Variants in SAMD10 observed in about 807,000 individuals in gnomAD.
SAMD10 encodes sterile alpha motif domain-containing protein 10.
In SAMD10, 16 loss-of-function variants were observed where a neutral mutation model predicts 22.5. The ratio of observed to expected loss-of-function variants is 0.71; its 90% CI spans 0.48 to 1.08. The LOEUF (loss-of-function observed/expected upper bound fraction) is 1.08. SAMD10 is among the 50% of genes least tolerant of loss of function. The pLI is 0.00. For missense variants in SAMD10, 227 were observed against 281.3 expected, an observed-to-expected ratio of 0.81 and a Z score of 1.38; for synonymous variants, 118 against 122.2, an observed-to-expected ratio of 0.97 and a Z score of 0.23.
At chr20:63,978,339 T>G (rs1472829272) in intron 1 of SAMD10, 1 of 1,297,566 alleles carries the variant, frequency 7.7e-7, no homozygotes, top group South Asian at 1.2e-5. Flanking sequence ...AGGCTCTGTA[T>G]GGTATCTGCA....
intron 3 of SAMD10, 112 bp downstream of exon 3, chr20:63,976,859 G>A (rs1273112415): frequency 2.8e-5 from 28 of 992,416 alleles, no homozygotes; most frequent in Non-Finnish European, 3.7e-5. Flanking sequence ...TGATTCACAG[G>A]AGAAACTAGA....
chr20:63,979,419 C>T lies in SAMD10; in HGVS notation c.49G>A (p.Gly17Arg), dbSNP rs1434515999. 4 of 1,481,274 alleles carry T rather than the reference C, an allele frequency of 2.7e-6. No homozygotes were observed. The highest frequency in any genetic ancestry group is 5.9e-5 in the East Asian group (2 of 34,034). The allele number at this position is 1,481,274 out of a possible 1,614,324, so 91.8% of individuals were successfully genotyped here. Residue 17 changes from glycine to arginine, a missense_variant, in exon 1 of 5, where the codon GGG becomes AGG. By Grantham distance (125) the Gly-to-Arg change is moderately radical. Transcript: ENST00000369886. The surrounding 1 kb of genome is among the most constrained non-coding windows in gnomAD (Gnocchi z 7.7). The part of the protein sequence containing the change: ...SKLSPPRGRA[G>R]AVRAGFGERR... ...TCCCCGAAGCCCGCGCGCACGGCCCCGGCGCGGCCACGCGGGGGGCTCAGC... is the reference window on the plus strand; with the variant it reads ...TCCCCGAAGCCCGCGCGCACGGCCCTGGCGCGGCCACGCGGGGGGCTCAGC...
At position 63,975,535 on chromosome 20, in the gene SAMD10, G is replaced by C; in HGVS notation, c.587-3C>G. The stretch of plus-strand genomic sequence containing the variant: ...CTAGGACATTTTCCCGAAGGAAGCT[G>C]TGTGATGGAAGAGGGTGAGAATGGG... On this transcript the variant is annotated splice_polypyrimidine_tract_variant and splice_region_variant and intron_variant, in intron 4 of 4. Coordinates refer to ENST00000369886, the MANE Select transcript of SAMD10 (RefSeq NM_080621.5). 2 of 1,606,392 alleles carry C rather than the reference G, an allele frequency of 1.2e-6. No homozygotes were observed. Among genetic ancestry groups the C allele is most frequent in the Non-Finnish European group, 1.7e-6 (2 of 1,177,758 alleles).
intron 1 of SAMD10, chr20:63,978,098 A>G (rs1017952921): frequency 1.1e-5 from 4 of 358,664 alleles, no homozygotes; most frequent in African/African-American, 8.6e-5. Flanking sequence ...GTGGGTACCC[A>G]TTGGATATGG....
rs574622793 is a variant in SAMD10 at position 63,977,505 on chromosome 20, C to G, written c.92-99G>C. ...CTGCCCCATCTCCTCCACACTAGTG[C>G]GGGAAATCACCTCCCCAATGAGGGG... On this transcript the variant is annotated intron_variant, in intron 1 of 4. Coordinates refer to ENST00000369886, the MANE Select transcript of SAMD10 (RefSeq NM_080621.5). The surrounding 1 kb of genome is among the most constrained non-coding windows in gnomAD (Gnocchi z 5.4). 4.3e-5 allele frequency: 53 copies of G among 1,232,926 alleles called. No individual in the cohort carries two copies. Among genetic ancestry groups the G allele is most frequent in the Non-Finnish European group, 5.9e-5 (52 of 875,446 alleles). 76.4% of individuals were successfully genotyped at this position (1,232,926 alleles called of 1,614,324 possible).
chr20:63,976,868 G>C, intron 3 of SAMD10, 103 bp downstream of exon 3: 1 of 1,138,484 alleles, frequency 8.8e-7, no homozygotes, highest in South Asian at 1.4e-5. Context: ...GGAGAAACTA[G>C]ACAGACGAAA....
Position 63,975,742 on chromosome 20 carries a change from A to T in SAMD10, c.536T>A (p.Leu179His). 1 of 1,605,476 alleles carries T rather than the reference A, an allele frequency of 6.2e-7. No homozygotes were observed. Among genetic ancestry groups the T allele is most frequent in the Non-Finnish European group, 8.5e-7 (1 of 1,179,204 alleles). ...CCCCTCCTCACGCACCTGCAGGCGG[A>T]GCACCTGCTGCAGCACCTCCTGCCT... ...AQRQEVLQQVLRLQVREEGRS... is the reference protein window; with the variant it reads ...AQRQEVLQQVHRLQVREEGRS... The change falls in exon 4 of 5, where the codon CTC becomes CAC. Residue 179 changes from leucine to histidine, a missense_variant. Coordinates refer to ENST00000369886, the MANE Select transcript of SAMD10 (RefSeq NM_080621.5).
rs537391112 is a variant in SAMD10, at chr20:63,976,477, A to G, written c.445+494T>C. Among the ~76,000 whole-genome samples the G allele has an allele frequency of 3.9e-5, 6 of 151,982 alleles. No individual in the cohort carries two copies. The South Asian group carries it at 1.2e-3, about 32-fold the overall frequency. On this transcript the variant is annotated intron_variant, in intron 3 of 4. Transcript: ENST00000369886. The stretch of plus-strand genomic sequence containing the variant: ...GGGAAGAGACACAGAAGAAAGGCAG[A>G]GAGGTCCGGACGCAGTGGCTCACAC...
intron 1 of SAMD10, chr20:63,978,401 C>T (rs1308601627): frequency 3.4e-6 from 3 of 883,968 alleles, no homozygotes; most frequent in Non-Finnish European, 4.9e-6. Flanking sequence ...CTGCCCCTGT[C>T]TTTACAGCAC....
intron 1 of SAMD10, chr20:63,978,479 AGAGT>A: frequency 2.7e-6 from 1 of 367,068 alleles, no homozygotes; most frequent in East Asian, 7.5e-5. Context: ...CATCCACCCT[AGAGT>A]GAGAGACCCT....
intron 3 of SAMD10, among the ~76,000 whole-genome samples, chr20:63,976,284 G>A (rs2059021661): frequency 6.6e-6 from 1 of 151,834 alleles, no homozygotes; most frequent in African/African-American, 2.4e-5. Flanking sequence ...AGAGAGACTC[G>A]GAGAGAGGGA....
rs931269516 is a variant in SAMD10 at position 63,977,507 on chromosome 20, G to T, written c.92-101C>A. 47 of 1,217,820 alleles carry T rather than the reference G, an allele frequency of 3.9e-5. No homozygotes were observed. The highest frequency in any genetic ancestry group is 5.0e-5 in the Non-Finnish European group (43 of 862,148). The allele number at this position is 1,217,820 out of a possible 1,614,324, so 75.4% of individuals were successfully genotyped here. A position where few individuals can be genotyped will look rare whatever the true frequency, so the allele number is the denominator to read the frequency against. ...GCCCCATCTCCTCCACACTAGTGCG[G>T]GAAATCACCTCCCCAATGAGGGGTT... is the stretch of plus-strand genomic sequence containing the variant. On this transcript the variant is annotated intron_variant, in intron 1 of 4. Coordinates refer to ENST00000369886, the MANE Select transcript of SAMD10 (RefSeq NM_080621.5). The surrounding 1 kb of genome is among the most constrained non-coding windows in gnomAD (Gnocchi z 5.4).
chr20:63,975,969 T>A, intron 3 of SAMD10, 137 bp from the exon 4 acceptor site: 1 of 879,060 alleles, frequency 1.1e-6, no homozygotes, highest in South Asian at 2.0e-5. Flanking sequence ...GGTCAGGAGT[T>A]CAAGACCAGC....
rs753762733 is a variant in SAMD10, at chr20:63,975,836, G to A, written c.446-4C>T. Reference sequence around the variant, plus strand: ...TTCAGCCGCAGCAGTGCCCGGCCTGGGGAGAGGAAAGAGGGGCTGAGCTGA... The same window carrying A: ...TTCAGCCGCAGCAGTGCCCGGCCTGAGGAGAGGAAAGAGGGGCTGAGCTGA... On this transcript the variant is annotated splice_polypyrimidine_tract_variant and splice_region_variant and intron_variant, in intron 3 of 4. Transcript: ENST00000369886. 6.3e-7 allele frequency: 1 copy of A among 1,590,800 alleles called. No homozygotes were observed. Among genetic ancestry groups the A allele is most frequent in the South Asian group, 1.1e-5 (1 of 89,804 alleles).
At chr20:63,975,656 A>G in intron 4 of SAMD10, 36 bp downstream of exon 4, 2 of 1,576,670 alleles carry the variant, frequency 1.3e-6, no homozygotes, top group Middle Eastern at 1.7e-4. Context: ...GGGCTTCTCC[A>G]TCAGCCCCCA....
intron 3 of SAMD10, among the ~76,000 whole-genome samples, 181 bp downstream of exon 3, chr20:63,976,790 A>G (rs1276978959): frequency 1.4e-5 from 2 of 147,140 alleles, no homozygotes; most frequent in Non-Finnish European, 1.5e-5. Flanking sequence ...AAAAAAAAAA[A>G]AGAAAGGCAG....
chr20:63,975,884 CA>C, intron 3 of SAMD10, 52 bp from the exon 4 acceptor site: 1 of 1,487,724 alleles, frequency 6.7e-7, no homozygotes, highest in Non-Finnish European at 8.9e-7. Context: ...CATCAAGAGC[CA>C]AGGCAAGGCT....
upstream of SAMD10, chr20:63,979,643 GCCGGGCGCGCT>G: frequency 1.0e-6 from 1 of 985,068 alleles, no homozygotes; most frequent in Non-Finnish European, 1.2e-6. This position sits in a 1 kb window ranked among gnomAD's most constrained non-coding sequence, Gnocchi z 7.7. Context: ...AGCCCTGTGT[GCCGGGCGCGCT>G]CCGGGAGCTC....
chr20:63,979,470 G>A lies in SAMD10; in HGVS notation c.-3C>T. 7.2e-7 allele frequency: 1 copy of A among 1,392,078 alleles called. No homozygotes were observed. The highest frequency in any genetic ancestry group is 9.3e-7 in the Non-Finnish European group (1 of 1,077,494). 86.2% of individuals were successfully genotyped at this position (1,392,078 alleles called of 1,614,324 possible). A position where few individuals can be genotyped will look rare whatever the true frequency, so the allele number is the denominator to read the frequency against. ...TTGGACCTCAGCTCGGTGAACATGGGGCCCGCGGGTGCCAGGCCCGCGCAC... is the reference window on the plus strand; with the variant it reads ...TTGGACCTCAGCTCGGTGAACATGGAGCCCGCGGGTGCCAGGCCCGCGCAC... On this transcript the variant is annotated 5_prime_UTR_variant, in exon 1 of 5. Coordinates refer to ENST00000369886, the MANE Select transcript of SAMD10 (RefSeq NM_080621.5). This position sits in a 1 kb window ranked among gnomAD's most constrained non-coding sequence, Gnocchi z 7.7.
Sources: allele counts gnomAD v4.1 joint callset (sites outside exome capture counted in the v4.1 genomes callset), GRCh38; gene constraint gnomAD v4.1.1; non-coding constraint Gnocchi (gnomAD v3.1); transcripts MANE v1.5; gene names NCBI Gene and HGNC (gene_info 2026-07-23, HGNC 2026-07-21).